ASTN2: variants seen among roughly 807,000 people sequenced by gnomAD.
The protein encoded by ASTN2 is astrotactin-2.
ASTN2 carries 54 observed loss-of-function variants against 139.8 expected under a neutral mutation model. That is an observed-to-expected ratio of 0.39 (90% CI 0.31 to 0.48). The LOEUF (loss-of-function observed/expected upper bound fraction) is 0.48. ASTN2 is among the 20% of genes least tolerant of loss of function. The pLI is 0.95. For missense variants in ASTN2, 1,565 were observed against 1,725.1 expected, an observed-to-expected ratio of 0.91 and a Z score of 1.64; for synonymous variants, 756 against 719.5, an observed-to-expected ratio of 1.05 and a Z score of -0.81.
At chr9:116,711,439 T>G (rs993412667) in intron 16 of ASTN2, among the ~76,000 whole-genome samples, 1 of 152,230 alleles carries the variant, frequency 6.6e-6, no homozygotes, top group Non-Finnish European at 1.5e-5. Flanking sequence ...CATTTATTTT[T>G]CTTCTGGACG....
At chr9:116,899,757 G>A (rs1466609986) in intron 10 of ASTN2, among the ~76,000 whole-genome samples, 1 of 152,186 alleles carries the variant, frequency 6.6e-6, no homozygotes, top group Non-Finnish European at 1.5e-5. Flanking sequence ...AGGATTAAAA[G>A]TTATGGCTCA....
intron 11 of ASTN2, among the ~76,000 whole-genome samples, chr9:116,841,605 T>C (rs575188362): frequency 5.3e-5 from 8 of 152,252 alleles, no homozygotes; most frequent in African/African-American, 1.7e-4. Context: ...CAGAATACAC[T>C]GTCAGTCACA....
intron 16 of ASTN2, among the ~76,000 whole-genome samples, chr9:116,713,828 T>C (rs1262715163): frequency 1.3e-5 from 2 of 152,170 alleles, no homozygotes; most frequent in African/African-American, 4.8e-5. Context: ...AAATTGTGCA[T>C]GTGAAATGCC....
At chr9:117,224,046 A>T (rs887567707) in intron 2 of ASTN2, among the ~76,000 whole-genome samples, 1 of 152,230 alleles carries the variant, frequency 6.6e-6, no homozygotes, top group African/African-American at 2.4e-5. Flanking sequence ...AGATCAGATT[A>T]GAACAGGGTC....
intron 4 of ASTN2, among the ~76,000 whole-genome samples, chr9:117,099,729 C>A (rs62562218): frequency 0.16 from 23,644 of 152,158 alleles, 2,015 homozygotes; most frequent in East Asian, 0.19. Context: ...AGCAGAACCA[C>A]GATTCAAATT....
At chr9:117,221,949 G>A (rs1023448579) in intron 2 of ASTN2, among the ~76,000 whole-genome samples, 9 of 152,116 alleles carry the variant, frequency 5.9e-5, no homozygotes, top group Admixed American at 2.6e-4. Flanking sequence ...ATATGCAGCC[G>A]ACTCCCTCCA....
chr9:117,140,923 TA>T (rs1431040434), intron 4 of ASTN2, among the ~76,000 whole-genome samples: 6 of 152,158 alleles, frequency 3.9e-5, no homozygotes, highest in African/African-American at 1.4e-4. Flanking sequence ...TTCAGCCTGC[TA>T]AAAAGTAGGC....
At chr9:117,043,421 C>A (rs1367303346) in intron 5 of ASTN2, among the ~76,000 whole-genome samples, 1 of 152,032 alleles carries the variant, frequency 6.6e-6, no homozygotes, top group African/African-American at 2.4e-5. Flanking sequence ...GCCTATGTGG[C>A]CAAGATCTTT....
chr9:116,467,507 C>CGCCT (rs1848686444), intron 20 of ASTN2, among the ~76,000 whole-genome samples: 1 of 152,190 alleles, frequency 6.6e-6, no homozygotes, highest in African/African-American at 2.4e-5. Flanking sequence ...CCTCGTGATC[C>CGCCT]GCCTGCCTCA....
rs889576085 is a variant in ASTN2, at chr9:116,585,435, T to C, written c.3355+32889A>G. ...CTTTGGTTAATTACTTACTGATTTCTGGAATGAGACCTTTATGACTGATAC... is the reference window on the plus strand; with the variant it reads ...CTTTGGTTAATTACTTACTGATTTCCGGAATGAGACCTTTATGACTGATAC... On this transcript the variant is annotated intron_variant, in intron 19 of 22. Coordinates refer to ENST00000313400, the MANE Select transcript of ASTN2 (RefSeq NM_001365068.1). 2.6e-5 allele frequency: 4 copies of C among 152,320 alleles called. No individual in the cohort carries two copies. The East Asian group carries it at 7.7e-4, about 29-fold the overall frequency. 9.4% of individuals were successfully genotyped at this position (152,320 alleles called of 1,614,324 possible).
intron 16 of ASTN2, chr9:116,686,885 G>T: frequency 6.5e-7 from 1 of 1,527,794 alleles, no homozygotes; most frequent in Non-Finnish European, 8.8e-7. Context: ...AGGGAGTCCC[G>T]GTTCTCGACT....
chr9:117,288,636 C>G (rs1834508257), intron 2 of ASTN2, among the ~76,000 whole-genome samples: 1 of 152,166 alleles, frequency 6.6e-6, no homozygotes. Flanking sequence ...TCAGATTTCT[C>G]AGTTGTGAAA....
intron 8 of ASTN2, 47 bp from the exon 9 acceptor site, chr9:116,976,235 A>G: frequency 6.4e-7 from 1 of 1,551,342 alleles, no homozygotes; most frequent in Non-Finnish European, 8.9e-7. Context: ...AGTCAGAGGC[A>G]GGTAGAATTC....
chr9:116,791,275 G>T (rs938673135), intron 13 of ASTN2, among the ~76,000 whole-genome samples: 2 of 152,218 alleles, frequency 1.3e-5, no homozygotes, highest in South Asian at 4.1e-4. Context: ...GTTCATTTCT[G>T]TCATCATCTT....
chr9:117,283,646 T>C (rs1462724098), intron 2 of ASTN2, among the ~76,000 whole-genome samples: 1 of 152,224 alleles, frequency 6.6e-6, no homozygotes, highest in Non-Finnish European at 1.5e-5. Flanking sequence ...TTGTGCTGCA[T>C]GTATTACATG....
chr9:117,093,980 T>C (rs1828771384), intron 5 of ASTN2, among the ~76,000 whole-genome samples: 1 of 152,178 alleles, frequency 6.6e-6, no homozygotes, highest in African/African-American at 2.4e-5. Context: ...TTTGATATAA[T>C]ACAAACCCCA....
At chr9:116,925,797 T>TA (rs1449175466) in intron 10 of ASTN2, among the ~76,000 whole-genome samples, 1 of 151,912 alleles carries the variant, frequency 6.6e-6, no homozygotes, top group Admixed American at 6.6e-5. Context: ...GCTTAGACCA[T>TA]ATGTACCTCA....
intron 19 of ASTN2, chr9:116,568,476 C>G (rs1407275759): frequency 1.3e-5 from 2 of 152,110 alleles, no homozygotes; most frequent in Non-Finnish European, 2.9e-5. Context: ...ATCTTCAGAA[C>G]CTGAATCGGT....
chr9:117,234,031 T>C (rs1390263893), intron 2 of ASTN2, among the ~76,000 whole-genome samples: 1 of 152,218 alleles, frequency 6.6e-6, no homozygotes, highest in African/African-American at 2.4e-5. Context: ...CCTGCTAAAA[T>C]TGTTGATGGA....
Sources: gnomAD v4.1 joint callset for allele counts (sites outside exome capture counted in the v4.1 genomes callset) on GRCh38, gnomAD v4.1.1 for gene constraint, MANE v1.5 for transcripts, NCBI Gene and HGNC (gene_info 2026-07-23, HGNC 2026-07-21) for gene names.